The following AUNIP variants were observed in gnomAD, a reference collection of about 807,000 sequenced individuals.
AUNIP encodes aurora kinase A- and ninein-interacting protein.
Under a neutral mutation model 12.2 loss-of-function variants are expected in AUNIP, and 16 were observed. The ratio of observed to expected loss-of-function variants is 1.31; its 90% CI spans 0.88 to 1.99. The LOEUF is 1.99. AUNIP is among the 30% of genes most tolerant of loss of function. The pLI, the probability that AUNIP is intolerant of heterozygous loss-of-function variation, is 0.00. For synonymous variants in AUNIP, 142 were observed against 154.8 expected, an observed-to-expected ratio of 0.92 and a Z score of 0.61; for missense variants, 411 against 419.1, an observed-to-expected ratio of 0.98 and a Z score of 0.17.
At chr1:25,843,183 A>ATATATATATATATATATATAT in intron 1 of AUNIP, among the ~76,000 whole-genome samples, 1 of 114,272 alleles carries the variant, frequency 8.8e-6, no homozygotes, top group Non-Finnish European at 2.0e-5. Context: ...AAAAAAAAAA[A>ATATATATATATATATATATAT]AAATATATAT....
downstream of AUNIP, among the ~76,000 whole-genome samples, chr1:25,833,577 C>G (rs940938686): frequency 1.3e-5 from 2 of 151,904 alleles, no homozygotes; most frequent in Non-Finnish European, 2.9e-5. Flanking sequence ...AAAGCAAGAC[C>G]TCATCTCTAC....
chr1:25,840,751 A>G (rs1023264108), intron 1 of AUNIP, among the ~76,000 whole-genome samples: 1 of 152,196 alleles, frequency 6.6e-6, no homozygotes, highest in East Asian at 1.9e-4. Context: ...CTTGGGACCA[A>G]CTCAATACAT....
In AUNIP at chr1:25,837,469, G is replaced by A. The variant is rs1013819575; in HGVS notation, c.164C>T (p.Ala55Val). ...KANIYFTQRR[A>V]PSTGIHQRSI... ...TCTCTGGTGAATGCCTGTAGATGGA[G>A]CTCTTCTTTGAGTAAAATAAATATT... The change falls in exon 2 of 3, where the codon GCT becomes GTT. Residue 55 changes from alanine to valine, a missense_variant. Transcript: ENST00000374298. 3 of 1,613,934 alleles carry A rather than the reference G, an allele frequency of 1.9e-6. No individual in the cohort carries two copies. The highest frequency in any genetic ancestry group is 2.2e-5 in the East Asian group (1 of 44,884).
chr1:25,845,910 G>A (rs900100568), intron 1 of AUNIP, among the ~76,000 whole-genome samples: 3 of 152,046 alleles, frequency 2.0e-5, no homozygotes, highest in East Asian at 1.9e-4. Flanking sequence ...GGATGGAAGC[G>A]TACACCCACA....
rs916773926 is a variant in AUNIP, at chr1:25,847,880, G to A, written c.79-10326C>T. Among the ~76,000 whole-genome samples, 2 of 152,172 alleles carry A rather than the reference G, an allele frequency of 1.3e-5. No homozygotes were observed. Among genetic ancestry groups the A allele is most frequent in the African/African-American group, 4.8e-5 (2 of 41,440 alleles). On this transcript the variant is annotated intron_variant, in intron 1 of 2. Coordinates refer to ENST00000374298, the MANE Select transcript of AUNIP (RefSeq NM_024037.3). This position sits in a 1 kb window ranked among gnomAD's most constrained non-coding sequence, Gnocchi z 4.2. ...GAATCGATTGAGCCCGGGAGGCAGA[G>A]GTTGCAGTGAGCCAAGATCACGCCA...
intron 1 of AUNIP, among the ~76,000 whole-genome samples, chr1:25,855,940 C>G (rs2048456960): frequency 6.6e-6 from 1 of 152,146 alleles, no homozygotes; most frequent in African/African-American, 2.4e-5. Context: ...AAGGTCCAGG[C>G]CTCTAGAAAT....
intron 1 of AUNIP, among the ~76,000 whole-genome samples, chr1:25,844,714 C>A (rs1490077670): frequency 6.6e-6 from 1 of 151,790 alleles, no homozygotes. Context: ...GTCTCATGTT[C>A]CACCATTGAC....
At chr1:25,851,060 C>A (rs2048421222) in intron 1 of AUNIP, among the ~76,000 whole-genome samples, 1 of 152,070 alleles carries the variant, frequency 6.6e-6, no homozygotes, top group Non-Finnish European at 1.5e-5. Flanking sequence ...CCCTTTTATT[C>A]CTGGTCTGTT....
rs865826263 is a variant in AUNIP at position 25,846,402 on chromosome 1, G to A, written c.79-8848C>T. On this transcript the variant is annotated intron_variant, in intron 1 of 2. Transcript: ENST00000374298. ...CCACTGCACTCCAGCGGGCAACAGA[G>A]TGAGACTCCATCTCAAAAAAAAAAA... Among the ~76,000 whole-genome samples, 24 of 117,326 alleles carry A rather than the reference G, an allele frequency of 2.0e-4. No individual in the cohort carries two copies. In the South Asian group the frequency reaches 2.3e-3, roughly 11 times the overall value. The allele number at this position is 117,326 out of a possible 152,430, so 77.0% of individuals were successfully genotyped here.
In AUNIP at chr1:25,834,851, C is replaced by A; in HGVS notation, c.*142G>T. The A allele has an allele frequency of 6.7e-7, 1 of 1,487,544 alleles. No individual in the cohort carries two copies. Among genetic ancestry groups the A allele is most frequent in the Non-Finnish European group, 8.9e-7 (1 of 1,127,164 alleles). The allele number at this position is 1,487,544 out of a possible 1,614,324, so 92.1% of individuals were successfully genotyped here. On this transcript the variant is annotated 3_prime_UTR_variant, in exon 3 of 3. Transcript: ENST00000374298. ...TAACAATGGTACTGCCCTTTATTTACACAGAGAAGATGCTCAGTAATGACA... is the reference window on the plus strand; with the variant it reads ...TAACAATGGTACTGCCCTTTATTTAAACAGAGAAGATGCTCAGTAATGACA...
chr1:25,831,908 A>C, downstream of AUNIP: 1 of 1,604,998 alleles, frequency 6.2e-7, no homozygotes, highest in Non-Finnish European at 8.5e-7. Context: ...TCAAGCTATT[A>C]TTGTGTCTCT....
At chr1:25,851,805 C>T (rs1051679230) in intron 1 of AUNIP, among the ~76,000 whole-genome samples, 1 of 152,134 alleles carries the variant, frequency 6.6e-6, no homozygotes, top group East Asian at 1.9e-4. Flanking sequence ...GGCACAATCT[C>T]GGCTCACTGC....
chr1:25,851,198 T>C (rs2048421909), intron 1 of AUNIP, among the ~76,000 whole-genome samples: 1 of 152,350 alleles, frequency 6.6e-6, no homozygotes, highest in East Asian at 1.9e-4. Context: ...TAAACCAACC[T>C]TGCATTCCTA....
At chr1:25,838,008 A>G (rs1572260094) in intron 1 of AUNIP, among the ~76,000 whole-genome samples, 1 of 151,820 alleles carries the variant, frequency 6.6e-6, no homozygotes, top group East Asian at 1.9e-4. Context: ...TGGGAGGCTG[A>G]GGCGGGCAGA....
At chr1:25,841,559 T>C (rs2048347623) in intron 1 of AUNIP, among the ~76,000 whole-genome samples, 1 of 151,954 alleles carries the variant, frequency 6.6e-6, no homozygotes, top group Non-Finnish European at 1.5e-5. Context: ...GGAGTCTCGC[T>C]GTCACCCAGG....
At position 25,835,582 on chromosome 1, in the gene AUNIP, TCTGGAGTATCAGG is replaced by T; in HGVS notation, c.472_484del (p.Pro158ThrfsTer24). On this transcript the variant is annotated frameshift_variant, in exon 3 of 3. Coordinates refer to ENST00000374298, the MANE Select transcript of AUNIP (RefSeq NM_024037.3). LOFTEE classifies it low-confidence loss of function (END_TRUNC). ...TGGGGTATGACTATCTCCAGCACAG[TCTGGAGTATCAGG>T]CTGGAGCAAAGATAGCTCAGTTGAA... The T allele has an allele frequency of 6.2e-7, 1 of 1,614,228 alleles. No individual in the cohort carries two copies. Among genetic ancestry groups the T allele is most frequent in the Non-Finnish European group, 8.5e-7 (1 of 1,180,032 alleles).
At chr1:25,844,600 CT>C (rs141052356) in intron 1 of AUNIP, among the ~76,000 whole-genome samples, 35,360 of 148,176 alleles carry the variant, frequency 0.24, 4,555 homozygotes, top group African/African-American at 0.33. Context: ...AATATAATTC[CT>C]TTTTTTTTTT....
At chr1:25,837,753 A>G (rs549612703) in intron 1 of AUNIP, among the ~76,000 whole-genome samples, 199 bp from the exon 2 acceptor site, 1 of 152,290 alleles carries the variant, frequency 6.6e-6, no homozygotes, top group South Asian at 2.1e-4. Context: ...CAGGAATCAC[A>G]TATTCCAATG....
At chr1:25,856,363 C>CAAA (rs112639785) in intron 1 of AUNIP, among the ~76,000 whole-genome samples, 1 of 128,514 alleles carries the variant, frequency 7.8e-6, no homozygotes, top group African/African-American at 2.9e-5. Flanking sequence ...GACTCCATCT[C>CAAA]AAAAAAAAAA....
Sources: allele counts gnomAD v4.1 joint callset (sites outside exome capture counted in the v4.1 genomes callset), GRCh38; gene constraint gnomAD v4.1.1; non-coding constraint Gnocchi (gnomAD v3.1); transcripts MANE v1.5; gene names NCBI Gene and HGNC (gene_info 2026-07-23, HGNC 2026-07-21).